Variants in GSE1 observed in about 807,000 individuals in gnomAD.
GSE1 encodes the protein Gse1 coiled-coil protein, also known as genetic suppressor element 1.
In GSE1, 32 loss-of-function variants were observed where a neutral mutation model predicts 112.6. The ratio of observed to expected loss-of-function variants is 0.28; its 90% CI spans 0.21 to 0.38. The LOEUF (loss-of-function observed/expected upper bound fraction) is 0.38, where lower values mean the gene tolerates loss of function less well. GSE1 is among the 10% of genes least tolerant of loss of function. GSE1 has a pLI of 1.00. For missense variants in GSE1, 2,348 were observed against 1,699.2 expected (o/e 1.38, Z -6.71); for synonymous variants, 1,115 against 735.6 (o/e 1.52, Z -8.35).
intron 1 of GSE1, among the ~76,000 whole-genome samples, chr16:85,345,472 G>C (rs752317426): frequency 8.5e-5 from 13 of 152,258 alleles, no homozygotes; most frequent in East Asian, 1.9e-4. Context: ...TGCGCTTGCT[G>C]TTCCTTGTTC....
intron 1 of GSE1, among the ~76,000 whole-genome samples, chr16:85,274,522 G>C (rs1392704528): frequency 6.6e-6 from 1 of 152,242 alleles, no homozygotes; most frequent in Non-Finnish European, 1.5e-5. Context: ...TGTGCACTTT[G>C]CTACCTGTCA....
intron 1 of GSE1, among the ~76,000 whole-genome samples, chr16:85,626,135 T>G (rs79449212): frequency 0.07 from 10,565 of 151,728 alleles, 912 homozygotes; most frequent in African/African-American, 0.21. Flanking sequence ...GGTGTTTTTA[T>G]TTGGAAAAAA....
At chr16:85,358,731 C>T (rs1224240849) in intron 2 of GSE1, among the ~76,000 whole-genome samples, 1 of 152,164 alleles carries the variant, frequency 6.6e-6, no homozygotes, top group Non-Finnish European at 1.5e-5. Flanking sequence ...ACGCTGACCC[C>T]TCTGAAGGGC....
chr16:85,388,016 A>G (rs1486212959), intron 2 of GSE1, among the ~76,000 whole-genome samples: 2 of 146,128 alleles, frequency 1.4e-5, no homozygotes, highest in African/African-American at 2.5e-5. Flanking sequence ...GGATGGATGG[A>G]TGGATGGATG....
At chr16:85,519,491 T>C (rs866660127) in intron 2 of GSE1, among the ~76,000 whole-genome samples, 1 of 1,646 alleles carries the variant, frequency 6.1e-4, no homozygotes, top group Non-Finnish European at 1.3e-3. Context: ...ACCATCACTA[T>C]CATCATCACC....
chr16:85,204,017 G>T (rs192997142), intron 1 of GSE1, among the ~76,000 whole-genome samples: 24 of 152,078 alleles, frequency 1.6e-4, no homozygotes, highest in African/African-American at 5.8e-4. Context: ...TTTCTGCCTC[G>T]CCTCGGCCTC....
At chr16:85,396,300 T>C (rs1597593788) in intron 2 of GSE1, among the ~76,000 whole-genome samples, 1 of 152,098 alleles carries the variant, frequency 6.6e-6, no homozygotes, top group African/African-American at 2.4e-5. Flanking sequence ...GAGTTGGGAG[T>C]GGGTGGCCGT....
intron 1 of GSE1, chr16:85,306,134 G>GT (rs2045671641): frequency 6.5e-6 from 1 of 154,192 alleles, no homozygotes; most frequent in Non-Finnish European, 1.5e-5. Context: ...TGGTGATTTG[G>GT]TTGCAGCCAG....
chr16:85,641,007 G>C (rs2050400373), intron 2 of GSE1, among the ~76,000 whole-genome samples: 1 of 152,336 alleles, frequency 6.6e-6, no homozygotes, highest in African/African-American at 2.4e-5. Flanking sequence ...TAGCACAGTG[G>C]GGAGCCCTGG....
intron 1 of GSE1, among the ~76,000 whole-genome samples, chr16:85,254,868 G>A (rs958746676): frequency 2.6e-5 from 4 of 152,240 alleles, no homozygotes; most frequent in Non-Finnish European, 5.9e-5. Flanking sequence ...GCCGAGGCTG[G>A]AGATGTGTGC....
chr16:85,659,999 C>T (rs1017609759), intron 8 of GSE1, among the ~76,000 whole-genome samples: 3 of 152,224 alleles, frequency 2.0e-5, no homozygotes, highest in African/African-American at 7.2e-5. Context: ...GGGTTTGGCT[C>T]TGGCTGGGCA....
In GSE1 at chr16:85,499,869, C is replaced by T. The variant is rs117759288; in HGVS notation, c.2465-134045C>T. Among the ~76,000 whole-genome samples the T allele has an allele frequency of 4.6e-3, 703 of 152,306 alleles. 1 individual carries two copies. The highest frequency in any genetic ancestry group is 7.0e-3 in the Non-Finnish European group (478 of 68,040). ...GGACAGACTGTTACAGCCCAAGCATCACGTACATGGGAAAAACCTTTTTGG... is the reference window on the plus strand; with the variant it reads ...GGACAGACTGTTACAGCCCAAGCATTACGTACATGGGAAAAACCTTTTTGG... On this transcript the variant is annotated intron_variant, in intron 2 of 2. Coordinates refer to the GSE1 transcript ENST00000637419.
intron 2 of GSE1, among the ~76,000 whole-genome samples, chr16:85,434,193 G>C (rs1286571270): frequency 1.3e-5 from 2 of 152,022 alleles, no homozygotes; most frequent in African/African-American, 2.4e-5. Context: ...CACAGGGCTG[G>C]GGACTGCAGC....
exon 1 of GSE1, chr16:85,169,704 C>G: frequency 4.1e-6 from 4 of 983,540 alleles, no homozygotes; most frequent in Non-Finnish European, 4.8e-6. Context: ...CGGCGCAGCC[C>G]TTCTTCCCGT....
At chr16:85,266,409 C>CT (rs1908255686) in intron 1 of GSE1, among the ~76,000 whole-genome samples, 1 of 152,218 alleles carries the variant, frequency 6.6e-6, no homozygotes, top group Non-Finnish European at 1.5e-5. Flanking sequence ...AGGCCTCCCT[C>CT]TAACTGGACA....
At chr16:85,310,404 A>T (rs908765243) in intron 1 of GSE1, among the ~76,000 whole-genome samples, 3 of 152,144 alleles carry the variant, frequency 2.0e-5, no homozygotes, top group East Asian at 1.9e-4. Context: ...GTTCTCATTA[A>T]TGTCATTGTC....
intron 1 of GSE1, among the ~76,000 whole-genome samples, chr16:85,267,853 C>T (rs1007959991): frequency 1.8e-4 from 28 of 152,172 alleles, no homozygotes; most frequent in African/African-American, 6.8e-4. Context: ...GCCATGGAAC[C>T]AGATGCCAGA....
chr16:85,312,204 C>CGGGGG lies in GSE1; in HGVS notation c.2284-45250_2284-45246dup, dbSNP rs35882426. ...CTCTGTGGTCTCTCTGATCCTCTTG[C>CGGGGG]GGGGGGGGGGGGGACACACTTACCC... On this transcript the variant is annotated intron_variant, in intron 1 of 2. Coordinates refer to the GSE1 transcript ENST00000637419. 9.7e-4 allele frequency among the ~76,000 whole-genome samples: 54 copies of CGGGGG among 55,746 alleles called. 5 individuals are homozygous for CGGGGG. Among genetic ancestry groups the CGGGGG allele is most frequent in the African/African-American group, 3.8e-3 (31 of 8,080 alleles). The allele number at this position is 55,746 out of a possible 152,430, so 36.6% of individuals were successfully genotyped here. A position where few individuals can be genotyped will look rare whatever the true frequency, so the allele number is the denominator to read the frequency against.
intron 2 of GSE1, among the ~76,000 whole-genome samples, chr16:85,421,115 G>A (rs1040536945): frequency 9.9e-5 from 15 of 152,230 alleles, no homozygotes; most frequent in Non-Finnish European, 1.3e-4. Flanking sequence ...CACAGAGCCC[G>A]GCACGCAGTG....
Sources: allele counts gnomAD v4.1 joint callset (sites outside exome capture counted in the v4.1 genomes callset), GRCh38; gene constraint gnomAD v4.1.1; transcripts MANE v1.5; gene names NCBI Gene and HGNC (gene_info 2026-07-23, HGNC 2026-07-21).